Variants in CCDC92B observed in about 807,000 individuals in gnomAD.
CCDC92B encodes coiled-coil domain-containing 92B.
A neutral mutation model predicts 5.6 loss-of-function variants in CCDC92B; 2 were observed. The ratio of observed to expected loss-of-function variants is 0.36; its 90% CI spans 0.15 to 1.12. The LOEUF (loss-of-function observed/expected upper bound fraction) is 1.12, where lower values mean the gene tolerates loss of function less well. CCDC92B is among the 50% of genes most tolerant of loss of function. The pLI is 0.40. For synonymous variants in CCDC92B, 115 were observed against 122.3 expected (o/e 0.94, Z 0.39); for missense variants, 271 against 262.2 (o/e 1.03, Z -0.23).
chr17:2,732,668 G>C (rs1195020175), intron 2 of CCDC92B, among the ~76,000 whole-genome samples: 1 of 151,864 alleles, frequency 6.6e-6, no homozygotes, highest in African/African-American at 2.4e-5. Flanking sequence ...AGTGAGCTGA[G>C]ATCGTGCCAC....
At chr17:2,733,744 C>CTTTTTTTTTTTTT (rs386385447) in intron 2 of CCDC92B, among the ~76,000 whole-genome samples, 1 of 49,306 alleles carries the variant, frequency 2.0e-5, no homozygotes, top group African/African-American at 8.7e-5. Context: ...GGACCACTGG[C>CTTTTTTTTTTTTT]TTTTTTTTTT....
At position 2,724,592 on chromosome 17, in the gene CCDC92B, C is replaced by A. The variant is rs548657309; in HGVS notation, c.587G>T (p.Arg196Leu). Reference protein sequence around the residue: ...GPGRDWAAWDRGAGALDDADP... With the variant: ...GPGRDWAAWDLGAGALDDADP... ...GGCGTCGTCGAGGGCGCCGGCCCCG[C>A]GGTCCCAGGCGGCCCAGTCCCGGCC... The change falls in exon 4 of 4, where the codon CGC becomes CTC. Residue 196 changes from arginine to leucine, a missense_variant. Physicochemically the swap from Arg to Leu is moderately radical, Grantham distance 102. Coordinates refer to ENST00000614400, the MANE Select transcript of CCDC92B (RefSeq NM_001355573.2). This position sits in a 1 kb window ranked among gnomAD's most constrained non-coding sequence, Gnocchi z 5.0. The A allele has an allele frequency of 2.5e-5, 25 of 981,954 alleles. No individual in the cohort carries two copies. The African/African-American group carries it at 3.7e-4, about 14-fold the overall frequency. 60.8% of individuals were successfully genotyped at this position (981,954 alleles called of 1,614,324 possible).
At chr17:2,728,779 C>CTAGG (rs1489950579) in intron 3 of CCDC92B, among the ~76,000 whole-genome samples, 2 of 152,152 alleles carry the variant, frequency 1.3e-5, no homozygotes, top group African/African-American at 2.4e-5. Context: ...CTCCAGCCAC[C>CTAGG]TAGGCACCAA....
intron 1 of CCDC92B, among the ~76,000 whole-genome samples, chr17:2,739,645 G>A (rs2070904909): frequency 6.6e-6 from 1 of 152,058 alleles, no homozygotes; most frequent in East Asian, 1.9e-4. Context: ...TTGCGCCACT[G>A]CACTCCAGCC....
At chr17:2,728,692 A>G (rs1282199077) in intron 3 of CCDC92B, among the ~76,000 whole-genome samples, 2 of 152,148 alleles carry the variant, frequency 1.3e-5, no homozygotes, top group East Asian at 3.9e-4. Context: ...CCTTTCAGAT[A>G]AAGGACAGTA....
chr17:2,742,637 T>A (rs2070937146), intron 1 of CCDC92B, among the ~76,000 whole-genome samples: 1 of 152,192 alleles, frequency 6.6e-6, no homozygotes, highest in Admixed American at 6.6e-5. Context: ...CTATAATCAC[T>A]CCCTGGGTGT....
In CCDC92B at chr17:2,721,245, G is replaced by A. The variant is rs1331904381; in HGVS notation, c.*3166C>T. The A allele has an allele frequency of 1.3e-5, 2 of 152,368 alleles. No individual in the cohort carries two copies. Among genetic ancestry groups the A allele is most frequent in the African/African-American group, 4.8e-5 (2 of 41,446 alleles). 9.4% of individuals were successfully genotyped at this position (152,368 alleles called of 1,614,324 possible). On this transcript the variant is annotated 3_prime_UTR_variant, in exon 4 of 4. Transcript: ENST00000614400. ...CCGCACTGCCCAGTGCTCCCTGGCT[G>A]ATTTCCAGAGCAGGGGGAGGTCCCC...
chr17:2,737,367 AG>A (rs2070868480), intron 1 of CCDC92B, among the ~76,000 whole-genome samples: 1 of 151,566 alleles, frequency 6.6e-6, no homozygotes, highest in Admixed American at 6.6e-5. Flanking sequence ...TACATCGAGC[AG>A]GTCCCCCTGA....
intron 2 of CCDC92B, among the ~76,000 whole-genome samples, chr17:2,734,117 C>G (rs2070831551): frequency 6.6e-6 from 1 of 152,084 alleles, no homozygotes; most frequent in African/African-American, 2.4e-5. Flanking sequence ...CAACTAGAAC[C>G]TTCCATGAGC....
At chr17:2,748,835 A>T (rs1405854658) in intron 1 of CCDC92B, among the ~76,000 whole-genome samples, 1 of 152,178 alleles carries the variant, frequency 6.6e-6, no homozygotes, top group African/African-American at 2.4e-5. Context: ...CCGCTTGGCC[A>T]GTGGTGGAGC....
chr17:2,730,527 G>T (rs1211114651), intron 2 of CCDC92B, 34 bp from the exon 3 acceptor site: 32 of 212,438 alleles, frequency 1.5e-4, no homozygotes, highest in Non-Finnish European at 2.4e-4. Flanking sequence ...CAGTTTGTGT[G>T]TGTGTGTGTG....
At chr17:2,740,454 G>A (rs1017902651) in intron 1 of CCDC92B, among the ~76,000 whole-genome samples, 2 of 152,004 alleles carry the variant, frequency 1.3e-5, no homozygotes, top group African/African-American at 4.8e-5. Context: ...TTGAGGTCAA[G>A]AGATCGAGAC....
At chr17:2,731,610 A>C (rs1183768663) in intron 2 of CCDC92B, among the ~76,000 whole-genome samples, 1 of 152,180 alleles carries the variant, frequency 6.6e-6, no homozygotes, top group Admixed American at 6.5e-5. Flanking sequence ...CCAGAGACCC[A>C]GGGCTTTGCC....
intron 2 of CCDC92B, among the ~76,000 whole-genome samples, chr17:2,730,900 C>T (rs901968828): frequency 2.0e-5 from 3 of 152,162 alleles, no homozygotes; most frequent in Admixed American, 6.5e-5. Flanking sequence ...GGGCTTTGAC[C>T]CTTTCGTGTT....
In CCDC92B at chr17:2,734,261, C is replaced by T. The variant is rs188232280; in HGVS notation, c.130+755G>A. Among the ~76,000 whole-genome samples the T allele has an allele frequency of 7.9e-5, 12 of 152,258 alleles. No homozygotes were observed. In the East Asian group the frequency reaches 2.1e-3, roughly 27 times the overall value. On this transcript the variant is annotated intron_variant, in intron 2 of 3. Coordinates refer to ENST00000614400, the MANE Select transcript of CCDC92B (RefSeq NM_001355573.2). ...CCTCCAGGGAGTTGAAGCACCCCCT[C>T]CTCTGGGGAGCCTCGGAGGCTGGGC...
chr17:2,748,573 A>G (rs564926947), intron 1 of CCDC92B: 1 of 984,826 alleles, frequency 1.0e-6, no homozygotes, highest in African/African-American at 1.7e-5. Flanking sequence ...TTCTGTACTA[A>G]GCCATACGCT....
rs542062101 is a variant in CCDC92B, at chr17:2,721,619, G to C, written c.*2792C>G. ...GCTGCACAGAGGGTTCTGTGCAGGC[G>C]GGTGGAGGGGTTTCCATTATTTCCA... On this transcript the variant is annotated 3_prime_UTR_variant, in exon 4 of 4. Transcript: ENST00000614400. 1 of 152,174 alleles carries C rather than the reference G, an allele frequency of 6.6e-6. No homozygotes were observed. The highest frequency in any genetic ancestry group is 6.5e-5 in the Admixed American group (1 of 15,272). The allele number at this position is 152,174 out of a possible 1,614,324, so 9.4% of individuals were successfully genotyped here.
At chr17:2,742,276 CCCAGGCTAT>C (rs2070934700) in intron 1 of CCDC92B, among the ~76,000 whole-genome samples, 1 of 151,896 alleles carries the variant, frequency 6.6e-6, no homozygotes, top group African/African-American at 2.4e-5. Flanking sequence ...CACTATGTTG[CCCAGGCTAT>C]CCTTTGCATT....
intron 2 of CCDC92B, among the ~76,000 whole-genome samples, 165 bp downstream of exon 2, chr17:2,734,851 C>A (rs1406596002): frequency 1.3e-5 from 2 of 152,150 alleles, no homozygotes; most frequent in Admixed American, 6.6e-5. Flanking sequence ...CTTCTCTGTC[C>A]ATCTCACCTC....
Sources: allele counts gnomAD v4.1 joint callset (sites outside exome capture counted in the v4.1 genomes callset), GRCh38; gene constraint gnomAD v4.1.1; non-coding constraint Gnocchi (gnomAD v3.1); transcripts MANE v1.5; gene names NCBI Gene and HGNC (gene_info 2026-07-23, HGNC 2026-07-21).